SSH2: variants seen among roughly 807,000 people sequenced by gnomAD.
SSH2 encodes the protein protein phosphatase Slingshot homolog 2.
A neutral mutation model predicts 135.2 loss-of-function variants in SSH2; 37 were observed. The ratio of observed to expected loss-of-function variants is 0.27; its 90% confidence interval spans 0.21 to 0.36. The LOEUF is 0.36. Among genes scored for constraint, SSH2 ranks in the 10% least tolerant of loss-of-function variants. SSH2 has a pLI of 1.00. For synonymous variants in SSH2, 628 were observed against 646.2 expected (o/e 0.97, Z 0.43); for missense variants, 1,408 against 1,765.3 (o/e 0.80, Z 3.63).
At chr17:29,699,189 T>C (rs1005442413) in intron 4 of SSH2, among the ~76,000 whole-genome samples, 8 of 152,244 alleles carry the variant, frequency 5.3e-5, no homozygotes, top group Non-Finnish European at 7.3e-5. Flanking sequence ...AAATTTCAAA[T>C]TTCTATTGGA....
At chr17:29,705,460 CA>C (rs199534947) in intron 3 of SSH2, among the ~76,000 whole-genome samples, 9 of 151,198 alleles carry the variant, frequency 6.0e-5, no homozygotes, top group Non-Finnish European at 1.2e-4. Context: ...GGTGCTGTAT[CA>C]AAAAAAAACT....
In SSH2 at chr17:29,834,621, A is replaced by T. The variant is rs542604378; in HGVS notation, c.144+14228T>A. Among the ~76,000 whole-genome samples, 4 of 151,744 alleles carry T rather than the reference A, an allele frequency of 2.6e-5. No homozygotes were observed. The East Asian group carries it at 5.8e-4, about 22-fold the overall frequency. On this transcript the variant is annotated intron_variant, in intron 2 of 15. Coordinates refer to ENST00000540801, the MANE Select transcript of SSH2 (RefSeq NM_001282129.2). Reference sequence around the variant, plus strand: ...CTTGAATTTAGCAATGTTTTCTTTTATTGTTTCTGGGTTTTGTGTCATAAA... The same window carrying T: ...CTTGAATTTAGCAATGTTTTCTTTTTTTGTTTCTGGGTTTTGTGTCATAAA...
At chr17:29,750,740 G>C (rs1473613404) in intron 3 of SSH2, among the ~76,000 whole-genome samples, 2 of 151,024 alleles carry the variant, frequency 1.3e-5, no homozygotes, top group African/African-American at 4.9e-5. Flanking sequence ...TTTTGGCCGG[G>C]TGTGGTGGCT....
At chr17:29,733,928 T>G (rs2040282550) in intron 3 of SSH2, among the ~76,000 whole-genome samples, 1 of 150,146 alleles carries the variant, frequency 6.7e-6, no homozygotes, top group African/African-American at 2.4e-5. Context: ...TTTTTTTTTT[T>G]GAGATGGAGT....
chr17:29,785,480 A>G (rs1208810226), intron 3 of SSH2, among the ~76,000 whole-genome samples: 1 of 141,352 alleles, frequency 7.1e-6, no homozygotes, highest in Non-Finnish European at 1.5e-5. Flanking sequence ...ATGTTTGAAT[A>G]TTGGCGTTTC....
chr17:29,662,906 T>C (rs886943665), intron 11 of SSH2, among the ~76,000 whole-genome samples: 19 of 152,216 alleles, frequency 1.2e-4, no homozygotes, highest in East Asian at 5.8e-4. Context: ...AAATTATTGG[T>C]TATGTGTCCA....
intron 1 of SSH2, among the ~76,000 whole-genome samples, chr17:29,859,600 A>T (rs575958074): frequency 6.2e-4 from 95 of 152,264 alleles, no homozygotes; most frequent in Non-Finnish European, 9.9e-4. Flanking sequence ...AGCTCCATCC[A>T]TGTTCCTGCA....
chr17:29,788,642 C>T (rs962887550), intron 3 of SSH2, among the ~76,000 whole-genome samples: 1 of 151,828 alleles, frequency 6.6e-6, no homozygotes, highest in Non-Finnish European at 1.5e-5. Context: ...CTCCCTTCCT[C>T]CCTCCCTCTC....
At chr17:29,915,159 T>C (rs1291201324) in intron 1 of SSH2, among the ~76,000 whole-genome samples, 1 of 152,220 alleles carries the variant, frequency 6.6e-6, no homozygotes, top group African/African-American at 2.4e-5. Flanking sequence ...TGTTTCTATT[T>C]TTTGATAGGA....
chr17:29,630,247 T>C lies in SSH2; in HGVS notation c.*594A>G, dbSNP rs2035611817. 1 of 152,224 alleles carries C rather than the reference T, an allele frequency of 6.6e-6. No homozygotes were observed. The highest frequency in any genetic ancestry group is 1.5e-5 in the Non-Finnish European group (1 of 68,034). 9.4% of individuals were successfully genotyped at this position (152,224 alleles called of 1,614,324 possible). On this transcript the variant is annotated 3_prime_UTR_variant, in exon 16 of 16. Coordinates refer to ENST00000540801, the MANE Select transcript of SSH2 (RefSeq NM_001282129.2). ...AAATTTGCAGAGCCGGCCATTATCA[T>C]GTCTTACTGTAACGATACACTCTGG...
chr17:29,929,812 G>A (rs2067150096), intron 1 of SSH2, 126 bp downstream of exon 1: 1 of 846,306 alleles, frequency 1.2e-6, no homozygotes, highest in Non-Finnish European at 1.9e-6. Flanking sequence ...GGGGGTTCGC[G>A]GCAGCCGAGT....
rs1267451858 is a variant in SSH2, at chr17:29,848,890, A to G, written c.103T>C (p.Cys35Arg). ...ATTTCTGATTCTTCACATTCACAGC[A>G]AAGTAATGCTGCTGATTCACTGTCT... ...LEDSESAALL[C>R]CECEESEIFT... The change falls in exon 2 of 16, where the codon TGC (cysteine) becomes CGC (arginine). Residue 35 changes from cysteine to arginine, a missense_variant. This residue lies in a region of SSH2 where 222 missense variants were observed against 355.6 expected (regional missense o/e 0.62). Transcript: ENST00000540801. 2.0e-6 allele frequency: 3 copies of G among 1,534,994 alleles called. No individual in the cohort carries two copies. The East Asian group carries it at 7.3e-5, about 38-fold the overall frequency.
At position 29,631,767 on chromosome 17, in the gene SSH2, G is replaced by C. The variant is rs1256330947; in HGVS notation, c.3427C>G (p.Pro1143Ala). The C allele has an allele frequency of 1.2e-6, 2 of 1,614,070 alleles. No individual in the cohort carries two copies. The change falls in exon 16 of 16, where the codon CCT becomes GCT. Residue 1143 changes from proline to alanine, a missense_variant. Around this residue, in one of 3 missense-constraint regions of SSH2, gnomAD observed 1,080 missense variants for 1,144.5 expected, o/e 0.94. Coordinates refer to ENST00000540801, the MANE Select transcript of SSH2 (RefSeq NM_001282129.2). ...SLSTALETAA[P>A]FVSHTTHLLS... is the part of the protein sequence containing the mutation. ...AAATGGGTTGTATGACTGACAAAAG[G>C]TGCTGCTGTCTCCAGGGCTGTGGAC...
chr17:29,762,940 A>C (rs2041357570), intron 3 of SSH2, among the ~76,000 whole-genome samples: 2 of 152,348 alleles, frequency 1.3e-5, no homozygotes, highest in South Asian at 4.1e-4. Flanking sequence ...TAAAAACTTC[A>C]CTAACCAATT....
At chr17:29,833,678 TCCTC>T (rs1427801810) in intron 2 of SSH2, among the ~76,000 whole-genome samples, 3 of 135,732 alleles carry the variant, frequency 2.2e-5, no homozygotes, top group African/African-American at 5.4e-5. Context: ...CTTCTTTCCT[TCCTC>T]CCTCCCTCCC....
At chr17:29,845,924 A>G (rs1381415087) in intron 2 of SSH2, among the ~76,000 whole-genome samples, 1 of 152,158 alleles carries the variant, frequency 6.6e-6, no homozygotes, top group Non-Finnish European at 1.5e-5. Context: ...CCACGCGTCC[A>G]ACTTCATGAA....
At chr17:29,753,114 T>G (rs1159999376) in intron 3 of SSH2, among the ~76,000 whole-genome samples, 4 of 152,100 alleles carry the variant, frequency 2.6e-5, no homozygotes, top group Non-Finnish European at 5.9e-5. Flanking sequence ...TAGTAAATGT[T>G]CAGTAAAAAA....
Position 29,677,696 on chromosome 17 carries a change from C to T in SSH2, c.525G>A (p.Thr175=), listed in dbSNP as rs202218000. ...ACCCATCACCATCCAAATGAATTAGCGTGTCGCTCCAGAGAGGCAAAACTA... is the reference window on the plus strand; with the variant it reads ...ACCCATCACCATCCAAATGAATTAGTGTGTCGCTCCAGAGAGGCAAAACTA... ...MGLVLPLWSD[T]LIHLDGDGGF... is the part of the protein sequence containing the mutation. Residue 175 remains threonine (T), a synonymous_variant, in exon 7 of 16, where the codon ACG becomes ACA. Transcript: ENST00000540801. 1.3e-5 allele frequency: 21 copies of T among 1,614,020 alleles called. No individual in the cohort carries two copies. The highest frequency in any genetic ancestry group is 1.6e-4 in the Middle Eastern group (1 of 6,062).
chr17:29,826,631 G>C (rs2042749069), intron 2 of SSH2, among the ~76,000 whole-genome samples: 1 of 152,142 alleles, frequency 6.6e-6, no homozygotes. Context: ...GACTGTCTCT[G>C]TGTGGTGGTA....
Sources: gnomAD v4.1 joint callset for allele counts (sites outside exome capture counted in the v4.1 genomes callset) on GRCh38, gnomAD v4.1.1 for gene constraint, gnomAD v4.1.1 regional missense constraint, MANE v1.5 for transcripts, NCBI Gene and HGNC (gene_info 2026-07-23, HGNC 2026-07-21) for gene names.